Variants in TDRD3 observed in about 807,000 individuals in gnomAD.
The protein encoded by TDRD3 is tudor domain-containing protein 3.
A neutral mutation model predicts 86.7 loss-of-function variants in TDRD3; 45 were observed. The observed-to-expected ratio is 0.52, with a 90% CI of 0.41 to 0.67. TDRD3 has a LOEUF of 0.67. Among genes scored for constraint, TDRD3 ranks in the 30% least tolerant of loss-of-function variants. The pLI is 0.00. For synonymous variants in TDRD3, 298 were observed against 301.7 expected (o/e 0.99, Z 0.13); for missense variants, 814 against 889.0 (o/e 0.92, Z 1.07).
At chr13:60,557,206 C>A (rs1265867042) in intron 12 of TDRD3, among the ~76,000 whole-genome samples, 416 of 117,698 alleles carry the variant, frequency 3.5e-3, no homozygotes, top group Middle Eastern at 4.8e-3. Context: ...AACTCTGTCT[C>A]AAAAAAAAAA....
At position 60,460,497 on chromosome 13, in the gene TDRD3, A is replaced by G; in HGVS notation, c.310A>G (p.Ile104Val). ...MLRLQMTDGH[I>V]SCTAVEFSYM... is the part of the protein sequence containing the mutation. ...GCGATTACAGATGACTGATGGTCAT[A>G]TAAGTTGCACAGCAGTAGAATTTAG... Residue 104 changes from isoleucine (I) to valine (V), a missense_variant, in exon 4 of 14, where the codon ATA (isoleucine) becomes GTA (valine). Transcript: ENST00000377881. 6.3e-7 allele frequency: 1 copy of G among 1,581,778 alleles called. No individual in the cohort carries two copies. Among genetic ancestry groups the G allele is most frequent in the East Asian group, 2.3e-5 (1 of 43,008 alleles).
intron 1 of TDRD3, among the ~76,000 whole-genome samples, chr13:60,425,406 G>A (rs1954776947): frequency 6.6e-6 from 1 of 152,130 alleles, no homozygotes; most frequent in South Asian, 2.1e-4. Flanking sequence ...GTACACCGTT[G>A]ATGGGAATGT....
chr13:60,563,872 C>T (rs1472789784), intron 12 of TDRD3, among the ~76,000 whole-genome samples: 1 of 152,182 alleles, frequency 6.6e-6, no homozygotes, highest in African/African-American at 2.4e-5. Flanking sequence ...ACTCCAGATA[C>T]AGTATACAGT....
intron 2 of TDRD3, among the ~76,000 whole-genome samples, chr13:60,440,668 G>A (rs528611535): frequency 6.6e-6 from 1 of 151,964 alleles, no homozygotes; most frequent in Non-Finnish European, 1.5e-5. Flanking sequence ...GCAACAGAGT[G>A]AGACTCTGTC....
chr13:60,435,918 G>GTTTTTTTTTTTT lies in TDRD3; in HGVS notation c.42-3768_42-3757dup, dbSNP rs767705603. 7.2e-5 allele frequency among the ~76,000 whole-genome samples: 9 copies of GTTTTTTTTTTTT among 124,792 alleles called. 2 individuals are homozygous for GTTTTTTTTTTTT. The highest frequency in any genetic ancestry group is 1.6e-4 in the Non-Finnish European group (9 of 55,114). 81.9% of individuals were successfully genotyped at this position (124,792 alleles called of 152,430 possible). A position where few individuals can be genotyped will look rare whatever the true frequency, so the allele number is the denominator to read the frequency against. The stretch of plus-strand genomic sequence containing the variant: ...AAACCACATCATGACAACATCTATG[G>GTTTTTTTTTTTT]TTTTTTTTTTTTTACTTTTTAATTA... On this transcript the variant is annotated intron_variant, in intron 1 of 13. Transcript: ENST00000377881.
intron 8 of TDRD3, among the ~76,000 whole-genome samples, chr13:60,508,725 G>C (rs992479477): frequency 6.6e-6 from 1 of 152,072 alleles, no homozygotes; most frequent in African/African-American, 2.4e-5. Flanking sequence ...TATTTCTTGT[G>C]AAAAAAGTTT....
chr13:60,418,420 G>A (rs548217335), intron 1 of TDRD3, among the ~76,000 whole-genome samples: 2 of 151,968 alleles, frequency 1.3e-5, no homozygotes, highest in Non-Finnish European at 2.9e-5. Flanking sequence ...TTGTTTATAT[G>A]TTTGTCTCCT....
intron 13 of TDRD3, among the ~76,000 whole-genome samples, chr13:60,570,813 T>C (rs1427502277): frequency 6.6e-6 from 1 of 152,196 alleles, no homozygotes; most frequent in Non-Finnish European, 1.5e-5. Flanking sequence ...ACCCCTTCTT[T>C]AGTTTCTTTC....
chr13:60,510,417 C>A (rs1957030620), intron 9 of TDRD3, among the ~76,000 whole-genome samples: 1 of 151,876 alleles, frequency 6.6e-6, no homozygotes, highest in African/African-American at 2.4e-5. Flanking sequence ...CAAATTCGGA[C>A]TTCTGAATAG....
At chr13:60,530,473 T>C (rs1449377295) in intron 11 of TDRD3, among the ~76,000 whole-genome samples, 1 of 151,918 alleles carries the variant, frequency 6.6e-6, no homozygotes, top group East Asian at 1.9e-4. Flanking sequence ...GGAGTTTCAC[T>C]CTTGTTGCCC....
At chr13:60,502,481 T>G (rs1017346924) in intron 8 of TDRD3, among the ~76,000 whole-genome samples, 106 of 152,362 alleles carry the variant, frequency 7.0e-4, no homozygotes, top group African/African-American at 2.5e-3. Context: ...AGTCTTATAC[T>G]TGGCCTGATT....
chr13:60,420,321 A>G (rs1456191550), intron 1 of TDRD3, among the ~76,000 whole-genome samples: 1 of 151,984 alleles, frequency 6.6e-6, no homozygotes, highest in Non-Finnish European at 1.5e-5. Context: ...TTTTTACTTT[A>G]TTAATGATAT....
chr13:60,489,583 G>A (rs115584640), intron 7 of TDRD3, among the ~76,000 whole-genome samples: 101 of 152,172 alleles, frequency 6.6e-4, no homozygotes, highest in African/African-American at 2.3e-3. Flanking sequence ...GAAACTCGGA[G>A]ATAATAATGG....
At chr13:60,399,032 T>TAA (rs1387864389) in intron 1 of TDRD3, among the ~76,000 whole-genome samples, 1 of 152,228 alleles carries the variant, frequency 6.6e-6, no homozygotes, top group Non-Finnish European at 1.5e-5. Context: ...TTTGGAAAGA[T>TAA]TAGTCTCATT....
At chr13:60,564,320 A>G (rs1271019895) in intron 12 of TDRD3, among the ~76,000 whole-genome samples, 1 of 152,158 alleles carries the variant, frequency 6.6e-6, no homozygotes, top group Non-Finnish European at 1.5e-5. Context: ...CTTCAATCAA[A>G]TACATTTAAG....
chr13:60,412,941 T>C (rs1376147444), intron 1 of TDRD3, among the ~76,000 whole-genome samples: 1 of 152,154 alleles, frequency 6.6e-6, no homozygotes, highest in Non-Finnish European at 1.5e-5. Flanking sequence ...ACTTTAAAAG[T>C]TGAAATACAG....
At position 60,426,352 on chromosome 13, in the gene TDRD3, G is replaced by A. The variant is rs1228644840; in HGVS notation, c.42-13336G>A. Reference sequence around the variant, plus strand: ...GATCTGTAGGATGAACAAGTTGAGAGATGTACAACATGAGGACTAAAGTTA... The same window carrying A: ...GATCTGTAGGATGAACAAGTTGAGAAATGTACAACATGAGGACTAAAGTTA... On this transcript the variant is annotated intron_variant, in intron 1 of 13. Coordinates refer to ENST00000377881, the MANE Select transcript of TDRD3 (RefSeq NM_001146070.2). Among the ~76,000 whole-genome samples, 5 of 151,978 alleles carry A rather than the reference G, an allele frequency of 3.3e-5. No individual in the cohort carries two copies. In the South Asian group the frequency reaches 8.3e-4, roughly 25 times the overall value.
At chr13:60,522,027 G>A (rs1326182260) in intron 10 of TDRD3, among the ~76,000 whole-genome samples, 1 of 152,124 alleles carries the variant, frequency 6.6e-6, no homozygotes, top group Non-Finnish European at 1.5e-5. Flanking sequence ...CTAATGATAG[G>A]ATCAAGAGTA....
At chr13:60,429,431 A>G (rs1165450221) in intron 1 of TDRD3, among the ~76,000 whole-genome samples, 1 of 152,136 alleles carries the variant, frequency 6.6e-6, no homozygotes, top group African/African-American at 2.4e-5. Context: ...TCTCTGTGCA[A>G]TATAATTTTA....
Sources: gnomAD v4.1 joint callset for allele counts (sites outside exome capture counted in the v4.1 genomes callset) on GRCh38, gnomAD v4.1.1 for gene constraint, MANE v1.5 for transcripts, NCBI Gene and HGNC (gene_info 2026-07-23, HGNC 2026-07-21) for gene names.